CSN2: variants seen among roughly 807,000 people sequenced by gnomAD.
The protein encoded by CSN2 is beta-casein.
Under a neutral mutation model 27.3 loss-of-function variants are expected in CSN2, and 27 were observed. The ratio of observed to expected loss-of-function variants is 0.99; its 90% CI spans 0.73 to 1.36. CSN2 has a LOEUF of 1.36. CSN2 is among the 40% of genes most tolerant of loss of function. The pLI is 0.00. For synonymous variants in CSN2, 131 were observed against 94.8 expected (o/e 1.38, Z -2.22); for missense variants, 333 against 264.5 (o/e 1.26, Z -1.80).
At chr4:69,959,014 T>G (rs779384098) in intron 4 of CSN2, 35 bp downstream of exon 4, 1 of 1,508,814 alleles carries the variant, frequency 6.6e-7, no homozygotes, top group Admixed American at 1.8e-5. Context: ...GGAGGAAATT[T>G]TGAAAATGTG....
intron 5 of CSN2, 50 bp from the exon 6 acceptor site, chr4:69,957,854 C>A (rs201700089): frequency 6.9e-7 from 1 of 1,449,618 alleles, no homozygotes; most frequent in Non-Finnish European, 9.5e-7. Context: ...GCTATAATTG[C>A]CATTCATAAT....
At chr4:69,963,160 T>C (rs538937058) in intron 1 of CSN2, among the ~76,000 whole-genome samples, 2 of 152,278 alleles carry the variant, frequency 1.3e-5, no homozygotes, top group East Asian at 3.9e-4. Context: ...AGTTCAACCA[T>C]TGTGGAAGTC....
In CSN2 at chr4:69,957,897, T is replaced by C; in HGVS notation, c.145-93A>G. Reference sequence around the variant, plus strand: ...TTTCTCTCTTTTAGACAATGATAAATGAGTAAAAAGAGAGGAGAAAATATT... The same window carrying C: ...TTTCTCTCTTTTAGACAATGATAAACGAGTAAAAAGAGAGGAGAAAATATT... On this transcript the variant is annotated intron_variant, in intron 5 of 7. Transcript: ENST00000353151. The C allele has an allele frequency of 3.5e-6, 4 of 1,149,224 alleles. No homozygotes were observed. The South Asian group carries it at 4.5e-5, about 13-fold the overall frequency. 71.2% of individuals were successfully genotyped at this position (1,149,224 alleles called of 1,614,324 possible). A position where few individuals can be genotyped will look rare whatever the true frequency, so the allele number is the denominator to read the frequency against.
At chr4:69,958,858 G>A in intron 5 of CSN2, 51 bp downstream of exon 5, 4 of 1,131,042 alleles carry the variant, frequency 3.5e-6, no homozygotes, top group African/African-American at 1.6e-5. Flanking sequence ...ATTTTTGTAT[G>A]TATTATACTT....
At chr4:69,964,018 A>G (rs1019662967) in intron 1 of CSN2, among the ~76,000 whole-genome samples, 1 of 152,112 alleles carries the variant, frequency 6.6e-6, no homozygotes, top group South Asian at 2.1e-4. Context: ...CTCATTTCCA[A>G]TAAGACTGAG....
rs113729751 is a variant in CSN2 at position 69,957,221 on chromosome 4, C to T, written c.675+53G>A. 16 of 1,427,120 alleles carry T rather than the reference C, an allele frequency of 1.1e-5. No homozygotes were observed. The African/African-American group carries it at 1.3e-4, about 11-fold the overall frequency. 88.4% of individuals were successfully genotyped at this position (1,427,120 alleles called of 1,614,324 possible). A position where few individuals can be genotyped will look rare whatever the true frequency, so the allele number is the denominator to read the frequency against. Reference sequence around the variant, plus strand: ...ACTCTACATTTATTCTTTTATTCTACCATCACATACACATCTTGAATGAAA... The same window carrying T: ...ACTCTACATTTATTCTTTTATTCTATCATCACATACACATCTTGAATGAAA... On this transcript the variant is annotated intron_variant, in intron 6 of 7. Coordinates refer to ENST00000353151, the MANE Select transcript of CSN2 (RefSeq NM_001891.4).
At chr4:69,960,864 T>G (rs1393785166) in intron 2 of CSN2, 81 bp downstream of exon 2, 16 of 1,077,890 alleles carry the variant, frequency 1.5e-5, no homozygotes, top group Non-Finnish European at 2.0e-5. Context: ...CAGTAAAAAA[T>G]GTTGGTGATG....
At chr4:69,960,419 GAC>G (rs1307075903) in intron 2 of CSN2, among the ~76,000 whole-genome samples, 1 of 150,622 alleles carries the variant, frequency 6.6e-6, no homozygotes. Flanking sequence ...ATTTATTAAA[GAC>G]AGAGTTTTTT....
At chr4:69,964,503 T>A (rs1442196479) in intron 1 of CSN2, among the ~76,000 whole-genome samples, 1 of 152,062 alleles carries the variant, frequency 6.6e-6, no homozygotes, top group Non-Finnish European at 1.5e-5. Flanking sequence ...TTGAGAGATG[T>A]TCTTTTCAAT....
chr4:69,956,692 T>C (rs1723408157), intron 6 of CSN2, among the ~76,000 whole-genome samples: 1 of 152,156 alleles, frequency 6.6e-6, no homozygotes, highest in Non-Finnish European at 1.5e-5. Context: ...TTTTTAGCTT[T>C]TTTTTCCAAA....
At position 69,956,305 on chromosome 4, in the gene CSN2, A is replaced by G. The variant is rs1220542218; in HGVS notation, c.*36+9T>C. 4 of 1,388,020 alleles carry G rather than the reference A, an allele frequency of 2.9e-6. No homozygotes were observed. The highest frequency in any genetic ancestry group is 3.8e-6 in the Non-Finnish European group (4 of 1,052,654). The allele number at this position is 1,388,020 out of a possible 1,614,324, so 86.0% of individuals were successfully genotyped here. A position where few individuals can be genotyped will look rare whatever the true frequency, so the allele number is the denominator to read the frequency against. On this transcript the variant is annotated intron_variant, in intron 7 of 7. Transcript: ENST00000353151. ...TGATCAATTAAATCTCCAAACTCCCAAAACTTACCAAAAATAAGGAGGGAA... is the reference window on the plus strand; with the variant it reads ...TGATCAATTAAATCTCCAAACTCCCGAAACTTACCAAAAATAAGGAGGGAA...
chr4:69,961,092 C>CAA (rs879303166), intron 1 of CSN2, 85 bp from the exon 2 acceptor site: 28 of 653,896 alleles, frequency 4.3e-5, no homozygotes, highest in South Asian at 1.5e-4. Context: ...TTTTATAAAA[C>CAA]AAAAAAAAAA....
chr4:69,963,633 G>A (rs1196582503), intron 1 of CSN2, among the ~76,000 whole-genome samples: 1 of 152,046 alleles, frequency 6.6e-6, no homozygotes, highest in Non-Finnish European at 1.5e-5. Flanking sequence ...TATACCTAAT[G>A]TTAAATGACG....
chr4:69,959,401 T>C (rs1188230538), intron 3 of CSN2, among the ~76,000 whole-genome samples: 1 of 152,070 alleles, frequency 6.6e-6, no homozygotes, highest in South Asian at 2.1e-4. Flanking sequence ...CTAATAACAA[T>C]TGATACATTA....
chr4:69,956,396 G>A, intron 6 of CSN2, 41 bp from the exon 7 acceptor site: 2 of 1,321,752 alleles, frequency 1.5e-6, no homozygotes, highest in South Asian at 4.1e-5. Flanking sequence ...TAACCTCTTA[G>A]TAAGAAAACT....
chr4:69,957,450 G>T lies in CSN2; in HGVS notation c.499C>A (p.Pro167Thr), dbSNP rs141152689. The stretch of plus-strand genomic sequence containing the variant: ...TTGGGCTGAGGAACAGACCACAGGG[G>T]CTGAGGGGGAAGTGCAAGAGTCTGA... ...IPQTLALPPQ[P>T]LWSVPQPKVL... Residue 167 changes from proline (P) to threonine (T), a missense_variant, in exon 6 of 8, where the codon CCC becomes ACC. By Grantham distance (38) the Pro-to-Thr change is conservative (BLOSUM62 -1). Coordinates refer to ENST00000353151, the MANE Select transcript of CSN2 (RefSeq NM_001891.4). The T allele has an allele frequency of 2.5e-6, 4 of 1,613,648 alleles. No individual in the cohort carries two copies. The highest frequency in any genetic ancestry group is 2.7e-5 in the African/African-American group (2 of 74,896).
chr4:69,958,541 AT>A (rs1723474102), intron 5 of CSN2, among the ~76,000 whole-genome samples: 1 of 152,062 alleles, frequency 6.6e-6, no homozygotes, highest in African/African-American at 2.4e-5. Context: ...TATGGGACAA[AT>A]TTTACATAGG....
intron 5 of CSN2, among the ~76,000 whole-genome samples, chr4:69,958,367 A>T (rs570990471): frequency 9.9e-5 from 15 of 152,274 alleles, no homozygotes; most frequent in African/African-American, 2.2e-4. Context: ...TTCAAGAGAC[A>T]TCAATTTTTT....
intron 1 of CSN2, among the ~76,000 whole-genome samples, chr4:69,965,250 A>C (rs1470021213): frequency 2.0e-5 from 3 of 151,406 alleles, no homozygotes; most frequent in Non-Finnish European, 1.5e-5. Flanking sequence ...CTACTGCTGT[A>C]AACTACCTGC....
Sources: gnomAD v4.1 joint callset for allele counts (sites outside exome capture counted in the v4.1 genomes callset) on GRCh38, gnomAD v4.1.1 for gene constraint, MANE v1.5 for transcripts, NCBI Gene and HGNC (gene_info 2026-07-23, HGNC 2026-07-21) for gene names.